Variants in MYO16 observed in about 807,000 individuals in gnomAD.
MYO16 encodes the protein myosin XVI.
MYO16 carries 94 observed loss-of-function variants against 205.3 expected under a neutral mutation model. That is an observed-to-expected ratio of 0.46 (90% CI 0.39 to 0.54). The LOEUF (loss-of-function observed/expected upper bound fraction) is 0.54. Ranked by LOEUF, MYO16 falls within the 20% of genes least tolerant of loss-of-function variation. The pLI is 0.00. For synonymous variants in MYO16, 988 were observed against 954.0 expected (o/e 1.04, Z -0.66); for missense variants, 2,315 against 2,387.5 (o/e 0.97, Z 0.63).
intron 32 of MYO16, among the ~76,000 whole-genome samples, chr13:109,157,957 C>A (rs902789272): frequency 6.6e-6 from 1 of 152,252 alleles, no homozygotes; most frequent in South Asian, 2.1e-4. Flanking sequence ...TTGTTTCTTT[C>A]GGACGAATAT....
At chr13:109,045,937 T>A (rs752633840) in intron 23 of MYO16, among the ~76,000 whole-genome samples, 3 of 151,834 alleles carry the variant, frequency 2.0e-5, no homozygotes, top group Non-Finnish European at 2.9e-5. Flanking sequence ...CAGGCATAAC[T>A]CTTATACTCC....
rs749547949 is a variant in MYO16 at position 108,972,205 on chromosome 13, GTCTC to G, written c.2369+7345_2369+7348del. 2.2e-3 allele frequency among the ~76,000 whole-genome samples: 25 copies of G among 11,136 alleles called. 1 individual carries two copies. The highest frequency in any genetic ancestry group is 6.7e-3 in the South Asian group (1 of 150). The allele number at this position is 11,136 out of a possible 152,430, so 7.3% of individuals were successfully genotyped here. ...AGCCTGGATGACAGACTGAGACCCT[GTCTC>G]TCTCTCTCTCTCTCTCTCTCTCTCT... On this transcript the variant is annotated intron_variant, in intron 20 of 34. Transcript: ENST00000457511.
At chr13:109,132,024 A>T (rs1293325963) in intron 31 of MYO16, among the ~76,000 whole-genome samples, 2 of 152,212 alleles carry the variant, frequency 1.3e-5, no homozygotes, top group Non-Finnish European at 2.9e-5. Context: ...ATTGCCCAGG[A>T]CGTAGCAAGC....
chr13:108,533,981 AT>A, the MYO16 span, among the ~76,000 whole-genome samples: 1 of 151,994 alleles, frequency 6.6e-6, no homozygotes, highest in East Asian at 1.9e-4. Flanking sequence ...GTGAAAGCAG[AT>A]TTTTTTTATG....
At chr13:108,895,185 A>G (rs1452880379) in intron 14 of MYO16, among the ~76,000 whole-genome samples, 1 of 151,156 alleles carries the variant, frequency 6.6e-6, no homozygotes, top group East Asian at 2.0e-4. Flanking sequence ...AAATTTATAG[A>G]AAAAATACCA....
At chr13:108,723,774 A>G (rs892760220) in intron 3 of MYO16, among the ~76,000 whole-genome samples, 12 of 152,230 alleles carry the variant, frequency 7.9e-5, no homozygotes, top group African/African-American at 2.4e-4. Flanking sequence ...TTTGGGTTCC[A>G]CCACCCTAAA....
intron 3 of MYO16, among the ~76,000 whole-genome samples, chr13:108,718,182 A>C (rs1884022907): frequency 6.6e-6 from 1 of 152,158 alleles, no homozygotes; most frequent in South Asian, 2.1e-4. Flanking sequence ...GCAGAATATC[A>C]GGATTCTAGA....
At chr13:108,552,293 T>A in the MYO16 span, among the ~76,000 whole-genome samples, 3 of 152,212 alleles carry the variant, frequency 2.0e-5, no homozygotes, top group African/African-American at 4.8e-5. Flanking sequence ...AGTGGATGGC[T>A]AAATTTGGGT....
chr13:108,678,293 G>A (rs1293618928), intron 2 of MYO16, among the ~76,000 whole-genome samples: 2 of 152,198 alleles, frequency 1.3e-5, no homozygotes, highest in African/African-American at 2.4e-5. Context: ...ACTGGAGCCA[G>A]TGCCTCTGAC....
chr13:108,911,130 CTTAT>C (rs1881243779), intron 16 of MYO16, among the ~76,000 whole-genome samples: 3 of 151,718 alleles, frequency 2.0e-5, no homozygotes, highest in East Asian at 3.9e-4. Flanking sequence ...AGGCCAAGTG[CTTAT>C]TGAGAGAACA....
the MYO16 span, among the ~76,000 whole-genome samples, chr13:108,556,132 A>C: frequency 6.6e-6 from 1 of 151,930 alleles, no homozygotes; most frequent in Non-Finnish European, 1.5e-5. Context: ...TGACACACTG[A>C]CTTTATTTCC....
At chr13:108,517,036 T>C in the MYO16 span, among the ~76,000 whole-genome samples, 1 of 152,158 alleles carries the variant, frequency 6.6e-6, no homozygotes, top group African/African-American at 2.4e-5. Context: ...GTTCAAGCGG[T>C]CCTCCCACCT....
At chr13:109,007,906 A>G (rs1885453819) in intron 21 of MYO16, among the ~76,000 whole-genome samples, 1 of 152,160 alleles carries the variant, frequency 6.6e-6, no homozygotes, top group Non-Finnish European at 1.5e-5. Context: ...ATCAGAAATG[A>G]GGCCCTCATG....
At chr13:109,012,146 T>C (rs1160847825) in intron 22 of MYO16, among the ~76,000 whole-genome samples, 5 of 152,144 alleles carry the variant, frequency 3.3e-5, no homozygotes, top group Non-Finnish European at 7.4e-5. Context: ...AACTAAACTT[T>C]CCTAGGGGAC....
chr13:108,996,207 T>G, intron 21 of MYO16, among the ~76,000 whole-genome samples: 1 of 152,196 alleles, frequency 6.6e-6, no homozygotes, highest in Admixed American at 6.5e-5. Flanking sequence ...GTAAAAAATA[T>G]AGTTCACATA....
chr13:108,649,301 T>C (rs1167043775), intron 1 of MYO16, among the ~76,000 whole-genome samples: 1 of 152,182 alleles, frequency 6.6e-6, no homozygotes, highest in African/African-American at 2.4e-5. Flanking sequence ...GGTCCTACAC[T>C]GGAATCAGTC....
chr13:109,100,289 C>T (rs529884874), intron 27 of MYO16, among the ~76,000 whole-genome samples: 25 of 152,178 alleles, frequency 1.6e-4, no homozygotes, highest in African/African-American at 4.1e-4. Flanking sequence ...TTGAAATATT[C>T]GATATATAAT....
rs753875324 is a variant in MYO16 at position 109,140,970 on chromosome 13, C to G, written c.4758C>G (p.Ser1586=). Residue 1586 remains serine, a synonymous_variant, in exon 32 of 35, where the codon TCC becomes TCG. Transcript: ENST00000457511. The surrounding 1 kb of genome is among the most constrained non-coding windows in gnomAD (Gnocchi z 8.0). ...CCGGCCTGGCGCTGTTCAACGGGTC[C>G]GGCCGAGCCTCCCCGCCGTCCACGC... is the stretch of plus-strand genomic sequence containing the variant. ...ASPGLALFNG[S]GRASPPSTPP... The G allele has an allele frequency of 6.2e-6, 9 of 1,442,032 alleles. No individual in the cohort carries two copies. In the East Asian group the frequency reaches 2.7e-4, roughly 44 times the overall value. 89.3% of individuals were successfully genotyped at this position (1,442,032 alleles called of 1,614,324 possible). A position where few individuals can be genotyped will look rare whatever the true frequency, so the allele number is the denominator to read the frequency against.
chr13:108,770,140 G>A (rs1885914270), intron 4 of MYO16, among the ~76,000 whole-genome samples: 1 of 151,966 alleles, frequency 6.6e-6, no homozygotes, highest in African/African-American at 2.4e-5. Context: ...TAAAACTATA[G>A]GCATGTAATA....
Sources: allele counts gnomAD v4.1 joint callset (sites outside exome capture counted in the v4.1 genomes callset), GRCh38; gene constraint gnomAD v4.1.1; non-coding constraint Gnocchi (gnomAD v3.1); transcripts MANE v1.5; gene names NCBI Gene and HGNC (gene_info 2026-07-23, HGNC 2026-07-21).